NECAB1: variants seen among roughly 807,000 people sequenced by gnomAD.
NECAB1 encodes N-terminal EF-hand calcium-binding protein 1.
In NECAB1, 29 loss-of-function variants were observed where a neutral mutation model predicts 57.5. That is an observed-to-expected ratio of 0.50 (90% CI 0.38 to 0.69). The LOEUF (loss-of-function observed/expected upper bound fraction) is 0.69. Among genes scored for constraint, NECAB1 ranks in the 30% least tolerant of loss-of-function variants. The probability of loss-of-function intolerance (pLI) is 0.00; values close to 1 mark genes in which losing one functional copy is unlikely to be tolerated. For synonymous variants in NECAB1, 142 were observed against 147.7 expected, an observed-to-expected ratio of 0.96 and a Z score of 0.28; for missense variants, 372 against 413.8, an observed-to-expected ratio of 0.90 and a Z score of 0.88.
intron 10 of NECAB1, among the ~76,000 whole-genome samples, chr8:90,942,389 T>C (rs1418864280): frequency 2.0e-5 from 3 of 152,220 alleles, no homozygotes; most frequent in Non-Finnish European, 4.4e-5. Flanking sequence ...TAACAGCTCA[T>C]CATCTTCCAG....
chr8:90,799,522 A>G (rs1811726041), intron 1 of NECAB1, among the ~76,000 whole-genome samples: 1 of 152,190 alleles, frequency 6.6e-6, no homozygotes, highest in Non-Finnish European at 1.5e-5. Flanking sequence ...ATTCTTCTGC[A>G]TATGACCTAC....
At chr8:90,812,177 G>A (rs1023239587) in intron 2 of NECAB1, among the ~76,000 whole-genome samples, 1 of 152,220 alleles carries the variant, frequency 6.6e-6, no homozygotes, top group Admixed American at 6.5e-5. Context: ...ATTCGATTAT[G>A]TACTGTACTC....
chr8:90,882,019 G>A (rs1410264878), intron 5 of NECAB1, among the ~76,000 whole-genome samples: 2 of 152,184 alleles, frequency 1.3e-5, no homozygotes, highest in African/African-American at 4.8e-5. Context: ...GTGGCATGAT[G>A]TAAGATGAAA....
chr8:90,877,492 T>A (rs969824543), intron 4 of NECAB1, among the ~76,000 whole-genome samples: 2 of 152,166 alleles, frequency 1.3e-5, no homozygotes, highest in Non-Finnish European at 1.5e-5. Context: ...ACCTTCTCAG[T>A]TATCTTCATG....
intron 2 of NECAB1, among the ~76,000 whole-genome samples, chr8:90,823,774 A>G (rs1307779555): frequency 6.6e-6 from 1 of 151,878 alleles, no homozygotes. Flanking sequence ...TTGTAGATGG[A>G]AGGGATCTTA....
At position 90,927,204 on chromosome 8, in the gene NECAB1, C is replaced by CTTTTTT. The variant is rs545020130; in HGVS notation, c.617-1010_617-1005dup. Among the ~76,000 whole-genome samples the CTTTTTT allele has an allele frequency of 1.9e-4, 25 of 131,096 alleles. 1 individual carries two copies. The highest frequency in any genetic ancestry group is 3.6e-4 in the African/African-American group (12 of 33,458). The allele number at this position is 131,096 out of a possible 152,430, so 86.0% of individuals were successfully genotyped here. On this transcript the variant is annotated intron_variant, in intron 7 of 12. Transcript: ENST00000417640. ...CAATCAGCCCCTTTCTTTTCTCTCTCTTTTTTTTTTTTTTGTAGCCACTTC... is the reference window on the plus strand; with the variant it reads ...CAATCAGCCCCTTTCTTTTCTCTCTCTTTTTTTTTTTTTTTTTTTTGTAGCCACTTC...
chr8:90,938,645 T>C (rs2130229677), intron 9 of NECAB1, among the ~76,000 whole-genome samples: 1 of 152,324 alleles, frequency 6.6e-6, no homozygotes, highest in Non-Finnish European at 1.5e-5. Context: ...GCTCTTTAAA[T>C]GGATTTCTTT....
chr8:90,852,041 TTTG>T (rs1444382001), intron 3 of NECAB1, among the ~76,000 whole-genome samples: 5 of 152,242 alleles, frequency 3.3e-5, no homozygotes, highest in African/African-American at 9.6e-5. Context: ...TCAATATAAT[TTTG>T]TTGTTGTTAT....
chr8:90,822,832 T>C (rs574646512), intron 2 of NECAB1, among the ~76,000 whole-genome samples: 2 of 151,732 alleles, frequency 1.3e-5, no homozygotes, highest in Middle Eastern at 3.4e-3. Flanking sequence ...GAGATGGAAA[T>C]AGCAGGTCGA....
At chr8:90,881,558 TA>T (rs1808838825) in intron 5 of NECAB1, among the ~76,000 whole-genome samples, 1 of 152,152 alleles carries the variant, frequency 6.6e-6, no homozygotes, top group Non-Finnish European at 1.5e-5. Flanking sequence ...TCTGGTTGTT[TA>T]AAAGTGTATG....
Position 90,957,923 on chromosome 8 carries a change from G to C in NECAB1, c.*2411G>C, listed in dbSNP as rs1811061702. ...ACATGGAATACAAGCTTGAATCTGG[G>C]AAACAAGCTCAAAAAACAGTGAAAA... On this transcript the variant is annotated 3_prime_UTR_variant, in exon 13 of 13. Transcript: ENST00000417640. 1 of 150,914 alleles carries C rather than the reference G, an allele frequency of 6.6e-6. No individual in the cohort carries two copies. The highest frequency in any genetic ancestry group is 1.5e-5 in the Non-Finnish European group (1 of 67,522). 9.3% of individuals were successfully genotyped at this position (150,914 alleles called of 1,614,324 possible). A position where few individuals can be genotyped will look rare whatever the true frequency, so the allele number is the denominator to read the frequency against.
At chr8:90,808,937 G>A (rs1388796841) in intron 2 of NECAB1, among the ~76,000 whole-genome samples, 2 of 152,004 alleles carry the variant, frequency 1.3e-5, no homozygotes, top group East Asian at 1.9e-4. Flanking sequence ...GAGCCACCGC[G>A]CCCGGCCTTT....
rs183440039 is a variant in NECAB1 at position 90,943,115 on chromosome 8, G to A, written c.860+2217G>A. Among the ~76,000 whole-genome samples, 13 of 152,256 alleles carry A rather than the reference G, an allele frequency of 8.5e-5. No individual in the cohort carries two copies. The East Asian group carries it at 2.3e-3, about 27-fold the overall frequency. On this transcript the variant is annotated intron_variant, in intron 10 of 12. Transcript: ENST00000417640. ...TAATGGGTGTTGGGAAAATGACCTC[G>A]AGCTACTAGAACAGCCCCAGGGAAA...
chr8:90,959,122 G>C lies in NECAB1; in HGVS notation c.*3610G>C. ...AAACCAAATACTGTGAACGTACCAGGTGTTTACAGATTTAAATGCATGTTA... is the reference window on the plus strand; with the variant it reads ...AAACCAAATACTGTGAACGTACCAGCTGTTTACAGATTTAAATGCATGTTA... On this transcript the variant is annotated 3_prime_UTR_variant, in exon 13 of 13. Transcript: ENST00000417640. 1.8e-6 allele frequency: 1 copy of C among 561,266 alleles called. No homozygotes were observed. Among genetic ancestry groups the C allele is most frequent in the Non-Finnish European group, 3.0e-6 (1 of 332,082 alleles). The allele number at this position is 561,266 out of a possible 1,614,324, so 34.8% of individuals were successfully genotyped here. A position where few individuals can be genotyped will look rare whatever the true frequency, so the allele number is the denominator to read the frequency against.
chr8:90,885,644 A>T (rs184952150), intron 5 of NECAB1, among the ~76,000 whole-genome samples: 1 of 152,308 alleles, frequency 6.6e-6, no homozygotes, highest in East Asian at 1.9e-4. Context: ...TGGCTAGTTG[A>T]TTTATCAATA....
In NECAB1 at chr8:90,907,145, T is replaced by TGAGAGAGAGAGAGA. The variant is rs1455170539; in HGVS notation, c.358-10346_358-10345insAGAGAGAGAGAGAG. Among the ~76,000 whole-genome samples, 151 of 104,198 alleles carry TGAGAGAGAGAGAGA rather than the reference T, an allele frequency of 1.4e-3. 2 individuals are homozygous for TGAGAGAGAGAGAGA. The highest frequency in any genetic ancestry group is 7.2e-3 in the African/African-American group (146 of 20,368). The allele number at this position is 104,198 out of a possible 152,430, so 68.4% of individuals were successfully genotyped here. On this transcript the variant is annotated intron_variant, in intron 5 of 12. Transcript: ENST00000417640. The stretch of plus-strand genomic sequence containing the variant: ...TTTTGTGTGTGTGTGTGTGTGTGTG[T>TGAGAGAGAGAGAGA]GTGTGTGAGAGAGAGAGAGAGAGAG...
intron 3 of NECAB1, among the ~76,000 whole-genome samples, chr8:90,850,072 A>G (rs1812654343): frequency 6.6e-6 from 1 of 152,200 alleles, no homozygotes; most frequent in Non-Finnish European, 1.5e-5. Flanking sequence ...AATTACTTCT[A>G]GCTGTCAGCA....
intron 5 of NECAB1, among the ~76,000 whole-genome samples, chr8:90,887,459 A>G (rs1002485703): frequency 6.6e-6 from 1 of 152,236 alleles, no homozygotes; most frequent in South Asian, 2.1e-4. Context: ...CATGTAAAAC[A>G]TTAGCCTATT....
At chr8:90,934,991 G>A (rs1810501478) in intron 9 of NECAB1, among the ~76,000 whole-genome samples, 1 of 152,064 alleles carries the variant, frequency 6.6e-6, no homozygotes, top group South Asian at 2.1e-4. Context: ...TTTATGTTGA[G>A]GCAAACATGC....
Sources: gnomAD v4.1 joint callset for allele counts (sites outside exome capture counted in the v4.1 genomes callset) on GRCh38, gnomAD v4.1.1 for gene constraint, MANE v1.5 for transcripts, NCBI Gene and HGNC (gene_info 2026-07-23, HGNC 2026-07-21) for gene names.